LGR6: variants seen among roughly 807,000 people sequenced by gnomAD.
LGR6 encodes leucine rich repeat containing G protein-coupled receptor 6, also known as leucine-rich repeat-containing G protein-coupled receptor 6.
A neutral mutation model predicts 69.4 loss-of-function variants in LGR6; 45 were observed. The ratio of observed to expected loss-of-function variants is 0.65; its 90% CI spans 0.51 to 0.83. The LOEUF (loss-of-function observed/expected upper bound fraction) is 0.83. Among genes scored for constraint, LGR6 ranks in the 40% least tolerant of loss-of-function variants. The pLI, the probability that LGR6 is intolerant of heterozygous loss-of-function variation, is 0.00. For synonymous variants in LGR6, 538 were observed against 555.0 expected (o/e 0.97, Z 0.43); for missense variants, 1,108 against 1,246.7 (o/e 0.89, Z 1.68).
At chr1:202,228,115 T>C in intron 3 of LGR6, 108 bp downstream of exon 3, 2 of 669,234 alleles carry the variant, frequency 3.0e-6, no homozygotes, top group Non-Finnish European at 5.2e-6. Context: ...TGCTTATTAT[T>C]TCCTTATCTT....
At chr1:202,225,295 G>C (rs908251946) in intron 1 of LGR6, 128 bp from the exon 2 acceptor site, 1 of 792,586 alleles carries the variant, frequency 1.3e-6, no homozygotes. Context: ...TGGCTTTGGA[G>C]TCAGAATGGC....
rs1412863210 is a variant in LGR6, at chr1:202,297,595, T to G, written c.785+19T>G. On this transcript the variant is annotated intron_variant, in intron 7 of 17. Transcript: ENST00000367278. ...AGGAACTGTAAGCGCCTCTTTTGGT[T>G]TCTGTGGGTGTCCTTCTGTCCCAAG... 19 of 1,610,254 alleles carry G rather than the reference T, an allele frequency of 1.2e-5. No homozygotes were observed. The highest frequency in any genetic ancestry group is 2.2e-5 in the East Asian group (1 of 44,860).
chr1:202,305,434 C>A (rs1653085392), intron 11 of LGR6, among the ~76,000 whole-genome samples: 1 of 152,184 alleles, frequency 6.6e-6, no homozygotes, highest in Non-Finnish European at 1.5e-5. Flanking sequence ...CACCACGCCC[C>A]TCTCACTTCC....
At position 202,196,430 on chromosome 1, in the gene LGR6, G is replaced by T. The variant is rs540581465; in HGVS notation, c.212+2229G>T. The stretch of plus-strand genomic sequence containing the variant: ...TTTCAGCGATGTTAGGAGATGTCCA[G>T]CTTGGCCCTGCCCCATGTATCCCAG... On this transcript the variant is annotated intron_variant, in intron 1 of 17. Transcript: ENST00000367278. 5.3e-5 allele frequency among the ~76,000 whole-genome samples: 8 copies of T among 152,302 alleles called. No individual in the cohort carries two copies. The East Asian group carries it at 1.4e-3, about 26-fold the overall frequency.
At chr1:202,308,289 G>T (rs1653426842) in intron 14 of LGR6, among the ~76,000 whole-genome samples, 1 of 152,196 alleles carries the variant, frequency 6.6e-6, no homozygotes, top group Admixed American at 6.5e-5. Flanking sequence ...CTCTAGTCCT[G>T]CCAGATAGGT....
chr1:202,314,892 T>A lies in LGR6; in HGVS notation c.1648+10T>A, dbSNP rs764749611. On this transcript the variant is annotated intron_variant, in intron 17 of 17. Transcript: ENST00000367278. Reference sequence around the variant, plus strand: ...TGTAGCCCTACTCCAGGTGAGGTGGTGTCTGGGGAATGGGGACGAGGGGGA... The same window carrying A: ...TGTAGCCCTACTCCAGGTGAGGTGGAGTCTGGGGAATGGGGACGAGGGGGA... 6.2e-7 allele frequency: 1 copy of A among 1,608,336 alleles called. No individual in the cohort carries two copies. The highest frequency in any genetic ancestry group is 8.5e-7 in the Non-Finnish European group (1 of 1,174,836).
intron 6 of LGR6, among the ~76,000 whole-genome samples, chr1:202,292,408 T>C (rs1036862531): frequency 2.6e-5 from 4 of 152,150 alleles, no homozygotes; most frequent in Non-Finnish European, 4.4e-5. Flanking sequence ...ACAAACACAA[T>C]AGAAGTTTAT....
At chr1:202,259,734 A>G (rs546218210) in intron 4 of LGR6, among the ~76,000 whole-genome samples, 10 of 150,176 alleles carry the variant, frequency 6.7e-5, no homozygotes, top group African/African-American at 2.0e-4. Context: ...TAGGTACTCT[A>G]TCCCTCAAAT....
intron 1 of LGR6, chr1:202,203,833 G>C: frequency 6.2e-7 from 1 of 1,613,892 alleles, no homozygotes; most frequent in Non-Finnish European, 8.5e-7. Flanking sequence ...GGAAGACCAA[G>C]GTTGACACTT....
chr1:202,205,877 G>A (rs115501422), intron 1 of LGR6, among the ~76,000 whole-genome samples: 23 of 112,658 alleles, frequency 2.0e-4, no homozygotes, highest in Admixed American at 3.6e-4. Context: ...ACACACACCC[G>A]TCCTTCAAAC....
chr1:202,227,219 C>T (rs1179346645), intron 2 of LGR6, among the ~76,000 whole-genome samples: 1 of 152,202 alleles, frequency 6.6e-6, no homozygotes, highest in Non-Finnish European at 1.5e-5. Context: ...TCCACATCTA[C>T]AAGCCTCTTG....
chr1:202,319,090 A>G lies in LGR6; in HGVS notation c.2787A>G (p.Gln929=), dbSNP rs55862317. Reference sequence around the variant, plus strand: ...AGGGGAACCACTTTGGGAACCCCCAACCCTCCATGGATGGAGAACTGCTGC... The same window carrying G: ...AGGGGAACCACTTTGGGAACCCCCAGCCCTCCATGGATGGAGAACTGCTGC... ...EPEGNHFGNP[Q]PSMDGELLLR... Residue 929 remains glutamine, a synonymous_variant, in exon 18 of 18, where the codon CAA becomes CAG. Transcript: ENST00000367278. 1.5e-5 allele frequency: 25 copies of G among 1,614,106 alleles called. No individual in the cohort carries two copies. The highest frequency in any genetic ancestry group is 6.7e-5 in the African/African-American group (5 of 75,024).
intron 1 of LGR6, among the ~76,000 whole-genome samples, chr1:202,222,194 C>A (rs1263320020): frequency 2.0e-5 from 3 of 152,220 alleles, no homozygotes; most frequent in Non-Finnish European, 4.4e-5. Context: ...AGCCTTACCC[C>A]TTTTCCTTTT....
intron 4 of LGR6, among the ~76,000 whole-genome samples, chr1:202,266,612 G>A (rs916095756): frequency 3.9e-5 from 6 of 151,974 alleles, no homozygotes; most frequent in African/African-American, 9.7e-5. Flanking sequence ...CACTCCCTGC[G>A]TCACCCAGGA....
At chr1:202,306,775 G>A (rs771478731) in intron 12 of LGR6, 93 bp from the exon 13 acceptor site, 14 of 1,122,860 alleles carry the variant, frequency 1.2e-5, no homozygotes, top group Non-Finnish European at 6.7e-6. Flanking sequence ...GAGAAGTGGG[G>A]GGCTCTACTT....
chr1:202,286,417 CAT>C (rs1253203640), intron 6 of LGR6, among the ~76,000 whole-genome samples: 2 of 152,170 alleles, frequency 1.3e-5, no homozygotes, highest in Non-Finnish European at 2.9e-5. Context: ...TGTCTTGTCT[CAT>C]ATCTTATTTA....
rs903651722 is a variant in LGR6 at position 202,268,087 on chromosome 1, C to G, written c.429-8219C>G. Among the ~76,000 whole-genome samples the G allele has an allele frequency of 3.5e-4, 54 of 152,210 alleles. No homozygotes were observed. Among genetic ancestry groups the G allele is most frequent in the Non-Finnish European group, 1.0e-4 (7 of 68,038 alleles). ...GGGAAGGCAGAAGCTCATGAGCATCCGTGCCTGAGTTGGTGGAGTCTGTGG... is the reference window on the plus strand; with the variant it reads ...GGGAAGGCAGAAGCTCATGAGCATCGGTGCCTGAGTTGGTGGAGTCTGTGG... On this transcript the variant is annotated intron_variant, in intron 4 of 17. Transcript: ENST00000367278. The surrounding 1 kb of genome is among the most constrained non-coding windows in gnomAD (Gnocchi z 4.4).
chr1:202,276,190 T>TG, intron 4 of LGR6, 116 bp from the exon 5 acceptor site: 2 of 768,498 alleles, frequency 2.6e-6, no homozygotes, highest in Non-Finnish European at 4.4e-6. Flanking sequence ...AAGTCACAAC[T>TG]TTAGTCCCAG....
Position 202,194,066 on chromosome 1 carries a change from C to T in LGR6, c.77C>T (p.Pro26Leu). 1 of 1,440,090 alleles carries T rather than the reference C, an allele frequency of 6.9e-7. No individual in the cohort carries two copies. The highest frequency in any genetic ancestry group is 9.1e-7 in the Non-Finnish European group (1 of 1,102,850). 89.2% of individuals were successfully genotyped at this position (1,440,090 alleles called of 1,614,324 possible). Residue 26 changes from proline to leucine, a missense_variant, in exon 1 of 18, where the codon CCC (proline) becomes CTC (leucine). Transcript: ENST00000367278. ...GCTTCCCGGAGGGCCGGCGGCGCCC[C>T]CCAGCCCGGCCCGGGGCCCACCGCC... ...LCASRRAGGA[P>L]QPGPGPTACP...
Sources: gnomAD v4.1 joint callset for allele counts (sites outside exome capture counted in the v4.1 genomes callset) on GRCh38, gnomAD v4.1.1 for gene constraint, Gnocchi (gnomAD v3.1) non-coding constraint, MANE v1.5 for transcripts, NCBI Gene and HGNC (gene_info 2026-07-23, HGNC 2026-07-21) for gene names.